Variants in SAMD11 observed in about 807,000 individuals in gnomAD.
The protein encoded by SAMD11 is sterile alpha motif domain-containing protein 11.
Under a neutral mutation model 64.4 loss-of-function variants are expected in SAMD11, and 77 were observed. The ratio of observed to expected loss-of-function variants is 1.20; its 90% CI spans 0.99 to 1.44. The LOEUF is 1.44. SAMD11 is among the 40% of genes most tolerant of loss of function. SAMD11 has a pLI of 0.00. For synonymous variants in SAMD11, 658 were observed against 421.9 expected, an observed-to-expected ratio of 1.56 and a Z score of -6.86; for missense variants, 1,402 against 943.3, an observed-to-expected ratio of 1.49 and a Z score of -6.37.
chr1:932,298 G>A (rs1316308710), intron 4 of SAMD11, among the ~76,000 whole-genome samples: 3 of 152,274 alleles, frequency 2.0e-5, no homozygotes, highest in Non-Finnish European at 2.9e-5. Context: ...CCTCCTGCCT[G>A]CAGCCCCCTC....
intron 2 of SAMD11, among the ~76,000 whole-genome samples, chr1:927,711 G>A (rs1436754577): frequency 6.6e-6 from 1 of 152,382 alleles, no homozygotes; most frequent in East Asian, 1.9e-4. Flanking sequence ...CTGCACAGGG[G>A]CCCTGCAGGC....
chr1:942,082 C>A, intron 8 of SAMD11, 54 bp from the exon 9 acceptor site: 4 of 526,432 alleles, frequency 7.6e-6, no homozygotes, highest in Non-Finnish European at 1.3e-5. Flanking sequence ...GGCGCCGGGG[C>A]CTTTACGGGA....
chr1:937,530 G>A (rs1053998149), intron 5 of SAMD11, among the ~76,000 whole-genome samples: 1 of 152,148 alleles, frequency 6.6e-6, no homozygotes, highest in Non-Finnish European at 1.5e-5. Flanking sequence ...TAACCCTGAG[G>A]GCATGTGCAT....
chr1:929,214 G>C (rs1223632366), intron 2 of SAMD11, among the ~76,000 whole-genome samples: 1 of 152,240 alleles, frequency 6.6e-6, no homozygotes, highest in Non-Finnish European at 1.5e-5. Flanking sequence ...TCCGCCGCGT[G>C]TGTGCGTCAG....
intron 5 of SAMD11, among the ~76,000 whole-genome samples, chr1:937,790 G>A (rs1641537875): frequency 6.6e-6 from 1 of 152,248 alleles, no homozygotes; most frequent in Non-Finnish European, 1.5e-5. Flanking sequence ...CTGGGGCCGG[G>A]CCTGACAGCA....
intron 11 of SAMD11, 93 bp from the exon 12 acceptor site, chr1:943,160 C>G (rs1007409739): frequency 2.5e-6 from 4 of 1,593,456 alleles, no homozygotes; most frequent in Middle Eastern, 3.3e-4. Context: ...AGGCACCCAT[C>G]CCCCACCTCA....
intron 2 of SAMD11, among the ~76,000 whole-genome samples, chr1:928,143 C>T (rs1194061750): frequency 4.6e-5 from 7 of 152,212 alleles, no homozygotes; most frequent in African/African-American, 1.7e-4. Flanking sequence ...CCTGTAATCC[C>T]AGCACTTTGG....
chr1:944,347 G>A lies in SAMD11; in HGVS notation c.*194G>A, dbSNP rs1248363428. ...AGTGAAGGCAGAGCCTGGTGCAGATGGACGAGGTCTGCAGACGGAGGGCAG... is the reference window on the plus strand; with the variant it reads ...AGTGAAGGCAGAGCCTGGTGCAGATAGACGAGGTCTGCAGACGGAGGGCAG... On this transcript the variant is annotated 3_prime_UTR_variant, in exon 14 of 14. Transcript: ENST00000616016. 10 of 1,370,992 alleles carry A rather than the reference G, an allele frequency of 7.3e-6. No individual in the cohort carries two copies. The highest frequency in any genetic ancestry group is 7.1e-5 in the Admixed American group (2 of 28,324). 84.9% of individuals were successfully genotyped at this position (1,370,992 alleles called of 1,614,324 possible).
intron 8 of SAMD11, among the ~76,000 whole-genome samples, chr1:941,871 G>A (rs928321447): frequency 8.5e-5 from 13 of 152,164 alleles, no homozygotes; most frequent in African/African-American, 7.2e-5. Flanking sequence ...GGTCCGCAGG[G>A]GAGGGGAGCA....
rs1280089970 is a variant in SAMD11 at position 924,344 on chromosome 1, C to T, written c.-88C>T. 6.7e-6 allele frequency: 1 copy of T among 149,408 alleles called. No individual in the cohort carries two copies. Among genetic ancestry groups the T allele is most frequent in the Admixed American group, 6.6e-5 (1 of 15,046 alleles). 9.3% of individuals were successfully genotyped at this position (149,408 alleles called of 1,614,324 possible). A position where few individuals can be genotyped will look rare whatever the true frequency, so the allele number is the denominator to read the frequency against. Reference sequence around the variant, plus strand: ...GGCGTGGGCGCGCGGCCAGGCGCCTCCCCGGCCCCCGCGACCCAACTCCAG... The same window carrying T: ...GGCGTGGGCGCGCGGCCAGGCGCCTTCCCGGCCCCCGCGACCCAACTCCAG... On this transcript the variant is annotated 5_prime_UTR_variant, in exon 1 of 14. Coordinates refer to ENST00000616016, the MANE Select transcript of SAMD11 (RefSeq NM_001385641.1).
intron 4 of SAMD11, among the ~76,000 whole-genome samples, chr1:935,564 GC>G (rs2100329003): frequency 6.6e-6 from 1 of 152,322 alleles, no homozygotes; most frequent in South Asian, 2.1e-4. Context: ...AGGTCCCAGT[GC>G]CAGGTTCTGT....
At chr1:928,157 G>A (rs762844022) in intron 2 of SAMD11, among the ~76,000 whole-genome samples, 12 of 152,124 alleles carry the variant, frequency 7.9e-5, no homozygotes, top group Non-Finnish European at 1.8e-4. Flanking sequence ...ACTTTGGGAG[G>A]CCGAGGCGGG....
In SAMD11 at chr1:939,086, C is replaced by A. The variant is rs774365218; in HGVS notation, c.1014C>A (p.Ser338Arg). 4 of 1,605,888 alleles carry A rather than the reference C, an allele frequency of 2.5e-6. No individual in the cohort carries two copies. In the South Asian group the frequency reaches 4.5e-5, roughly 18 times the overall value. ...KRLGRSPRIS[S>R]DCFSEKRARS... is the part of the protein sequence containing the mutation. ...TGGGCCGCTCCCCCCGTATCAGCAGCGACTGCTTTTCAGAGAAGAGGGCAC... is the reference window on the plus strand; with the variant it reads ...TGGGCCGCTCCCCCCGTATCAGCAGAGACTGCTTTTCAGAGAAGAGGGCAC... The change falls in exon 6 of 14, where the codon AGC becomes AGA. Residue 338 changes from serine (S) to arginine (R), a missense_variant. Coordinates refer to ENST00000616016, the MANE Select transcript of SAMD11 (RefSeq NM_001385641.1).
rs746130862 is a variant in SAMD11 at position 931,029 on chromosome 1, C to T, written c.792-10C>T. 8 of 1,612,240 alleles carry T rather than the reference C, an allele frequency of 5.0e-6. No individual in the cohort carries two copies. The highest frequency in any genetic ancestry group is 3.3e-5 in the South Asian group (3 of 91,058). On this transcript the variant is annotated splice_polypyrimidine_tract_variant and intron_variant, in intron 3 of 13. Coordinates refer to ENST00000616016, the MANE Select transcript of SAMD11 (RefSeq NM_001385641.1). ...AGAGCAACATGGACCTTCTGCTTCC[C>T]TTCCTGCAGAGTCCACACCCACTGG...
At chr1:937,844 G>T (rs1641541149) in intron 5 of SAMD11, among the ~76,000 whole-genome samples, 1 of 152,290 alleles carries the variant, frequency 6.6e-6, no homozygotes, top group Non-Finnish European at 1.5e-5. Flanking sequence ...TCTGTCAGCT[G>T]TAATGTGGGA....
rs950986219 is a variant in SAMD11 at position 943,613 on chromosome 1, C to G, written c.2179-85C>G. On this transcript the variant is annotated intron_variant, in intron 12 of 13. Transcript: ENST00000616016. ...ACTGTTTTTAAAAAATTTCCGTGAG[C>G]TGCACAAACAGCTCCTCTTGGCTCT... 6 of 1,381,556 alleles carry G rather than the reference C, an allele frequency of 4.3e-6. No individual in the cohort carries two copies. The African/African-American group carries it at 7.4e-5, about 17-fold the overall frequency. 85.6% of individuals were successfully genotyped at this position (1,381,556 alleles called of 1,614,324 possible). A position where few individuals can be genotyped will look rare whatever the true frequency, so the allele number is the denominator to read the frequency against.
intron 5 of SAMD11, 37 bp downstream of exon 5, chr1:935,933 C>T: frequency 6.2e-7 from 1 of 1,600,176 alleles, no homozygotes; most frequent in Non-Finnish European, 8.5e-7. Flanking sequence ...GGGGTCGGGG[C>T]TGTGGGGCCA....
rs759698389 is a variant in SAMD11 at position 944,189 on chromosome 1, C to T, written c.*36C>T. ...GGTAGGGGTGGGGCCACACAAATCTCCAGGAGCCACCACTCAACACAATGG... is the reference window on the plus strand; with the variant it reads ...GGTAGGGGTGGGGCCACACAAATCTTCAGGAGCCACCACTCAACACAATGG... On this transcript the variant is annotated 3_prime_UTR_variant, in exon 14 of 14. Coordinates refer to ENST00000616016, the MANE Select transcript of SAMD11 (RefSeq NM_001385641.1). 11 of 1,508,244 alleles carry T rather than the reference C, an allele frequency of 7.3e-6. No homozygotes were observed. The highest frequency in any genetic ancestry group is 1.8e-4 in the Middle Eastern group (1 of 5,598). The allele number at this position is 1,508,244 out of a possible 1,614,324, so 93.4% of individuals were successfully genotyped here.
intron 3 of SAMD11, 41 bp from the exon 4 acceptor site, chr1:930,998 G>C: frequency 6.3e-7 from 1 of 1,598,590 alleles, no homozygotes; most frequent in Non-Finnish European, 8.6e-7. Context: ...GGGGTCAGGG[G>C]CCTCCAGAGC....
Sources: gnomAD v4.1 joint callset for allele counts (sites outside exome capture counted in the v4.1 genomes callset) on GRCh38, gnomAD v4.1.1 for gene constraint, MANE v1.5 for transcripts, NCBI Gene and HGNC (gene_info 2026-07-23, HGNC 2026-07-21) for gene names.